The following PREX2 variants were observed in gnomAD, a reference collection of about 807,000 sequenced individuals.
The protein encoded by PREX2 is phosphatidylinositol-3,4,5-trisphosphate dependent Rac exchange factor 2.
PREX2 carries 107 observed loss-of-function variants against 203.2 expected under a neutral mutation model. That is an observed-to-expected ratio of 0.53 (90% CI 0.45 to 0.62). PREX2 has a LOEUF of 0.62. Among genes scored for constraint, PREX2 ranks in the 20% least tolerant of loss-of-function variants. The probability of loss-of-function intolerance (pLI) is 0.00; values close to 1 mark genes in which losing one functional copy is unlikely to be tolerated. For missense variants in PREX2, 1,777 were observed against 1,955.9 expected (o/e 0.91, Z 1.72); for synonymous variants, 672 against 663.6 (o/e 1.01, Z -0.19).
At chr8:68,199,678 G>A (rs1313757541) in intron 37 of PREX2, among the ~76,000 whole-genome samples, 1 of 152,078 alleles carries the variant, frequency 6.6e-6, no homozygotes, top group Non-Finnish European at 1.5e-5. Context: ...CTTCATATAA[G>A]CAATGTAAAA....
intron 23 of PREX2, chr8:68,101,373 A>G (rs773586856): frequency 1.9e-6 from 1 of 518,846 alleles, no homozygotes. Flanking sequence ...TTGAGTTTGC[A>G]TTACTATTGT....
chr8:67,976,323 T>C (rs1399062721), intron 1 of PREX2, among the ~76,000 whole-genome samples: 1 of 152,024 alleles, frequency 6.6e-6, no homozygotes, highest in African/African-American at 2.4e-5. Context: ...TGAGACCAAC[T>C]TGCTGTGAGA....
In PREX2 at chr8:68,157,427, A is replaced by G. The variant is rs141255081; in HGVS notation, c.4337A>G (p.Gln1446Arg). 5.0e-6 allele frequency: 8 copies of G among 1,595,088 alleles called. No individual in the cohort carries two copies. Among genetic ancestry groups the G allele is most frequent in the Non-Finnish European group, 6.9e-6 (8 of 1,163,354 alleles). Residue 1446 changes from glutamine to arginine, a missense_variant, in exon 35 of 40, where the codon CAG becomes CGG. Gln to Arg is a conservative substitution (Grantham distance 43). Transcript: ENST00000288368. The part of the protein sequence containing the change: ...ASLEKVKQYN[Q>R]KLRAFYLDKS... ...CTGGAAAAGGTCAAACAGTACAACCAGAAGCTCAGGTATGTAACAATCCAA... is the reference window on the plus strand; with the variant it reads ...CTGGAAAAGGTCAAACAGTACAACCGGAAGCTCAGGTATGTAACAATCCAA...
chr8:67,995,269 T>A (rs1490607578), intron 1 of PREX2, among the ~76,000 whole-genome samples: 8 of 152,182 alleles, frequency 5.3e-5, no homozygotes, highest in Non-Finnish European at 7.4e-5. Context: ...TTACTGGTTT[T>A]AATTTTTTAT....
At chr8:67,972,677 GA>G (rs1165723792) in intron 1 of PREX2, among the ~76,000 whole-genome samples, 1 of 152,116 alleles carries the variant, frequency 6.6e-6, no homozygotes, top group Non-Finnish European at 1.5e-5. Flanking sequence ...GTTCCCTGAT[GA>G]AACTCTACAG....
intron 1 of PREX2, among the ~76,000 whole-genome samples, chr8:67,982,097 AAAGTTATGT>A (rs1806289626): frequency 1.3e-5 from 2 of 152,158 alleles, no homozygotes; most frequent in Admixed American, 1.3e-4. Flanking sequence ...TGACCTCAGG[AAAGTTATGT>A]AATAGCTTTG....
chr8:67,977,253 T>C (rs1806137163), intron 1 of PREX2, among the ~76,000 whole-genome samples: 1 of 152,176 alleles, frequency 6.6e-6, no homozygotes, highest in Admixed American at 6.5e-5. Flanking sequence ...AAGAGGGTCC[T>C]CACCATAGCC....
chr8:68,106,256 T>C (rs1810408111), intron 23 of PREX2: 2 of 488,712 alleles, frequency 4.1e-6, no homozygotes, highest in Non-Finnish European at 8.0e-6. Context: ...GTGAGACTTT[T>C]ATCCTGCAAT....
chr8:68,175,666 C>T (rs540488486), intron 35 of PREX2, among the ~76,000 whole-genome samples: 58 of 152,082 alleles, frequency 3.8e-4, no homozygotes, highest in Non-Finnish European at 7.2e-4. Flanking sequence ...CTAAAGTGTT[C>T]CTGCTCTCAT....
chr8:68,019,488 A>G (rs1807501342), intron 2 of PREX2, 61 bp from the exon 3 acceptor site: 3 of 1,397,926 alleles, frequency 2.1e-6, no homozygotes, highest in African/African-American at 2.9e-5. Context: ...ATACTATGCT[A>G]TCATAGACTT....
At chr8:68,057,383 C>T (rs1259448668) in intron 10 of PREX2, among the ~76,000 whole-genome samples, 4 of 152,146 alleles carry the variant, frequency 2.6e-5, no homozygotes. Flanking sequence ...CACCCAGTCT[C>T]AGGGAAGTTC....
intron 35 of PREX2, among the ~76,000 whole-genome samples, chr8:68,166,565 C>G (rs961810656): frequency 2.0e-5 from 3 of 152,116 alleles, no homozygotes; most frequent in Admixed American, 2.0e-4. Context: ...AGAAGTATGT[C>G]TACTGACTAA....
intron 31 of PREX2, among the ~76,000 whole-genome samples, chr8:68,129,041 G>A (rs533326728): frequency 6.6e-6 from 1 of 152,130 alleles, no homozygotes; most frequent in African/African-American, 2.4e-5. Flanking sequence ...TCATTTTCTT[G>A]GATTTCACTG....
intron 1 of PREX2, among the ~76,000 whole-genome samples, chr8:67,988,783 A>G (rs565361417): frequency 6.6e-6 from 1 of 152,298 alleles, no homozygotes. Flanking sequence ...GTACATGACA[A>G]GAAGGTGGTG....
intron 15 of PREX2, 40 bp from the exon 16 acceptor site, chr8:68,080,403 T>C (rs143600234): frequency 6.3e-7 from 1 of 1,596,886 alleles, no homozygotes; most frequent in African/African-American, 1.3e-5. Context: ...GTGCGATTTT[T>C]GAATTAGCTG....
rs1245147405 is a variant in PREX2, at chr8:68,053,083, C to T, written c.944-14C>T. 2.8e-5 allele frequency: 45 copies of T among 1,605,238 alleles called. No homozygotes were observed. Among genetic ancestry groups the T allele is most frequent in the Non-Finnish European group, 3.7e-5 (43 of 1,174,866 alleles). On this transcript the variant is annotated splice_polypyrimidine_tract_variant and intron_variant, in intron 8 of 39. Transcript: ENST00000288368. ...TTACATTTTGTTCATTTGCCTTTAC[C>T]CATTAATTTACAGCTGATTTCCATA...
intron 8 of PREX2, among the ~76,000 whole-genome samples, chr8:68,049,826 G>C (rs1315204926): frequency 6.6e-6 from 1 of 151,984 alleles, no homozygotes; most frequent in African/African-American, 2.4e-5. Context: ...GCTTTAGTGA[G>C]GGTGTTCTTT....
At chr8:68,158,707 G>A (rs904322475) in intron 35 of PREX2, among the ~76,000 whole-genome samples, 13 of 152,106 alleles carry the variant, frequency 8.5e-5, no homozygotes, top group Non-Finnish European at 1.5e-4. Context: ...CTAGGAGGAT[G>A]TAATTGCTGT....
intron 11 of PREX2, among the ~76,000 whole-genome samples, chr8:68,067,352 A>G (rs1254361310): frequency 6.6e-6 from 1 of 152,024 alleles, no homozygotes; most frequent in Admixed American, 6.6e-5. Flanking sequence ...CCTTCCATGA[A>G]CATGGGATTT....
Sources: gnomAD v4.1 joint callset for allele counts (sites outside exome capture counted in the v4.1 genomes callset) on GRCh38, gnomAD v4.1.1 for gene constraint, MANE v1.5 for transcripts, NCBI Gene and HGNC (gene_info 2026-07-23, HGNC 2026-07-21) for gene names.